The following TTC34 variants were observed in gnomAD, a reference collection of about 807,000 sequenced individuals.
TTC34 encodes the protein tetratricopeptide repeat protein 34.
Under a neutral mutation model 40.7 loss-of-function variants are expected in TTC34, and 44 were observed. The observed-to-expected ratio is 1.08, with a 90% CI of 0.85 to 1.39. The LOEUF (loss-of-function observed/expected upper bound fraction) is 1.39. Among genes scored for constraint, TTC34 ranks in the 40% most tolerant of loss-of-function variants. The pLI, the probability that TTC34 is intolerant of heterozygous loss-of-function variation, is 0.00. For missense variants in TTC34, 884 were observed against 838.0 expected (o/e 1.05, Z -0.68); for synonymous variants, 422 against 398.6 (o/e 1.06, Z -0.70).
At chr1:2,656,368 ACCC>A in intron 6 of TTC34, among the ~76,000 whole-genome samples, 1 of 96,026 alleles carries the variant, frequency 1.0e-5, no homozygotes, top group Middle Eastern at 5.3e-3. Context: ...CTGGAACAGC[ACCC>A]ACACCCACAG....
At chr1:2,755,932 C>G (rs1458549993) in intron 6 of TTC34, among the ~76,000 whole-genome samples, 1 of 76,576 alleles carries the variant, frequency 1.3e-5, no homozygotes, top group East Asian at 4.3e-4. Context: ...CAGCCTGGAG[C>G]AGCACCCTGC....
intron 6 of TTC34, among the ~76,000 whole-genome samples, chr1:2,750,634 C>A (rs1235230189): frequency 9.2e-6 from 1 of 109,118 alleles, no homozygotes; most frequent in Admixed American, 9.5e-5. Context: ...CAGCCTGGAG[C>A]AGCACCCACA....
chr1:2,751,744 G>C (rs1641327593), intron 6 of TTC34, among the ~76,000 whole-genome samples: 2 of 150,732 alleles, frequency 1.3e-5, no homozygotes, highest in African/African-American at 4.9e-5. Flanking sequence ...GTGAGCATCT[G>C]ACATCGTAGA....
chr1:2,764,335 C>A (rs1641730233), intron 6 of TTC34, among the ~76,000 whole-genome samples: 1 of 140,726 alleles, frequency 7.1e-6, no homozygotes, highest in Non-Finnish European at 1.6e-5. Flanking sequence ...TGGAGCAGCG[C>A]CCACACCCCC....
chr1:2,783,106 G>A (rs1217617242), intron 6 of TTC34, among the ~76,000 whole-genome samples: 2 of 152,168 alleles, frequency 1.3e-5, no homozygotes, highest in Non-Finnish European at 2.9e-5. Context: ...CATAGATACC[G>A]AACTTAAAGA....
intron 6 of TTC34, among the ~76,000 whole-genome samples, chr1:2,750,607 C>G (rs1216540828): frequency 0.022 from 179 of 8,166 alleles, no homozygotes; most frequent in Admixed American, 0.04. Context: ...ACCCCACACC[C>G]ACAGGTGAGC....
At chr1:2,643,541 C>G (rs965678416) in intron 8 of TTC34, among the ~76,000 whole-genome samples, 1 of 152,174 alleles carries the variant, frequency 6.6e-6, no homozygotes, top group Non-Finnish European at 1.5e-5. Context: ...CAGACCCCTC[C>G]TCCTGGCTTG....
intron 6 of TTC34, among the ~76,000 whole-genome samples, chr1:2,683,359 T>A (rs1213958582): frequency 2.3e-5 from 3 of 131,132 alleles, no homozygotes; most frequent in African/African-American, 8.9e-5. Flanking sequence ...CACCCCCAGG[T>A]GAGCATCTGA....
chr1:2,695,148 C>T (rs112938257), intron 6 of TTC34, among the ~76,000 whole-genome samples: 3 of 99,370 alleles, frequency 3.0e-5, no homozygotes, highest in African/African-American at 7.5e-5. Context: ...GGAACAGCAC[C>T]CTGCACCCCC....
At chr1:2,652,917 G>A (rs1453680028) in intron 6 of TTC34, among the ~76,000 whole-genome samples, 1 of 151,996 alleles carries the variant, frequency 6.6e-6, no homozygotes, top group South Asian at 2.1e-4. Context: ...GTCTGGAGCA[G>A]CGCCCACACC....
chr1:2,687,839 A>C, intron 6 of TTC34, among the ~76,000 whole-genome samples: 1 of 149,938 alleles, frequency 6.7e-6, no homozygotes. Flanking sequence ...CTGGAGCATT[A>C]CCCACACCCA....
chr1:2,649,628 C>A (rs971332484), intron 6 of TTC34, among the ~76,000 whole-genome samples: 3 of 152,186 alleles, frequency 2.0e-5, no homozygotes, highest in African/African-American at 7.2e-5. Context: ...GCAACCACCG[C>A]CCCCAGGTTT....
intron 6 of TTC34, among the ~76,000 whole-genome samples, chr1:2,687,039 C>T (rs1427070515): frequency 7.1e-6 from 1 of 140,004 alleles, no homozygotes; most frequent in Non-Finnish European, 1.5e-5. Flanking sequence ...GAGCAGCACC[C>T]ACAACCCCAG....
At chr1:2,753,241 G>A (rs1242026969) in intron 6 of TTC34, among the ~76,000 whole-genome samples, 53 of 99,496 alleles carry the variant, frequency 5.3e-4, no homozygotes, top group African/African-American at 1.2e-3. Context: ...TGACAGCCTG[G>A]AGCAGCACCC....
intron 2 of TTC34, among the ~76,000 whole-genome samples, chr1:2,794,189 T>C (rs1056503899): frequency 6.6e-6 from 1 of 152,160 alleles, no homozygotes; most frequent in African/African-American, 2.4e-5. Flanking sequence ...AAATTTTTTG[T>C]AGAGACCAGT....
exon 5 of TTC34, chr1:2,785,876 C>T (rs991583962): frequency 3.1e-5 from 47 of 1,540,794 alleles, no homozygotes; most frequent in African/African-American, 1.7e-4. Context: ...TGAACCCTGC[C>T]GTCGGCCCCG....
chr1:2,791,725 C>T (rs907402307), intron 2 of TTC34, among the ~76,000 whole-genome samples: 2 of 152,022 alleles, frequency 1.3e-5, no homozygotes, highest in African/African-American at 2.4e-5. Flanking sequence ...CTCATGGATC[C>T]GAGGGAGCTG....
chr1:2,697,481 T>G, intron 6 of TTC34, among the ~76,000 whole-genome samples: 1 of 152,102 alleles, frequency 6.6e-6, no homozygotes, highest in African/African-American at 2.4e-5. Context: ...AACAGCTCCC[T>G]GCACCCCCAG....
At chr1:2,792,197 C>T (rs1643671497) in intron 2 of TTC34, among the ~76,000 whole-genome samples, 1 of 151,360 alleles carries the variant, frequency 6.6e-6, no homozygotes, top group Admixed American at 6.6e-5. Flanking sequence ...TGGAGTCTCA[C>T]TTTGTCACCC....
Sources: allele counts gnomAD v4.1 joint callset (sites outside exome capture counted in the v4.1 genomes callset), GRCh38; gene constraint gnomAD v4.1.1; transcripts MANE v1.5; gene names NCBI Gene and HGNC (gene_info 2026-07-23, HGNC 2026-07-21).